Variants in TCERG1 observed in about 807,000 individuals in gnomAD.
TCERG1 encodes the protein transcription elongation regulator 1.
In TCERG1, 37 loss-of-function variants were observed where a neutral mutation model predicts 144.7. That is an observed-to-expected ratio of 0.26 (90% CI 0.20 to 0.34). The LOEUF (loss-of-function observed/expected upper bound fraction) is 0.34, where lower values mean the gene tolerates loss of function less well. Ranked by LOEUF, TCERG1 falls within the 10% of genes least tolerant of loss-of-function variation. TCERG1 has a pLI of 1.00. For missense variants in TCERG1, 1,027 were observed against 1,380.7 expected (o/e 0.74, Z 4.06); for synonymous variants, 492 against 458.2 (o/e 1.07, Z -0.94).
chr5:146,476,936 A>AT (rs1189982262), intron 9 of TCERG1, among the ~76,000 whole-genome samples: 1 of 151,844 alleles, frequency 6.6e-6, no homozygotes, highest in Non-Finnish European at 1.5e-5. Context: ...AAAATTTTTT[A>AT]TTTTTTGTAG....
intron 3 of TCERG1, among the ~76,000 whole-genome samples, chr5:146,458,112 T>TA (rs2150248464): frequency 6.6e-6 from 1 of 152,076 alleles, no homozygotes; most frequent in African/African-American, 2.4e-5. Flanking sequence ...TGGCCTCCCA[T>TA]AGTGCTGGGA....
chr5:146,479,960 C>G (rs763632325), intron 11 of TCERG1, 49 bp downstream of exon 11: 5 of 1,604,400 alleles, frequency 3.1e-6, no homozygotes. Flanking sequence ...ACTATTAAAG[C>G]AAGTGTTCTG....
intron 17 of TCERG1, among the ~76,000 whole-genome samples, chr5:146,500,756 C>T (rs1001418768): frequency 1.3e-5 from 2 of 152,110 alleles, no homozygotes; most frequent in African/African-American, 4.8e-5. Flanking sequence ...AGTGGTGGCT[C>T]ATGCCTGTAA....
At chr5:146,475,045 C>G (rs1276423346) in intron 9 of TCERG1, among the ~76,000 whole-genome samples, 1 of 152,076 alleles carries the variant, frequency 6.6e-6, no homozygotes, top group Non-Finnish European at 1.5e-5. Flanking sequence ...GCTTCATTTC[C>G]TGTTCCTGCT....
chr5:146,453,320 G>T (rs922737171), intron 1 of TCERG1, among the ~76,000 whole-genome samples: 1 of 152,024 alleles, frequency 6.6e-6, no homozygotes, highest in African/African-American at 2.4e-5. Flanking sequence ...TTTACAAAAT[G>T]TCGCAAAAAT....
Position 146,510,664 on chromosome 5 carries a change from G to A in TCERG1, c.*22G>A, listed in dbSNP as rs773977344. ...ATAATTCTAAATACTCTTCCATAGG[G>A]GCATCTATTCAAAATGCTTGCATGA... On this transcript the variant is annotated 3_prime_UTR_variant, in exon 23 of 23. Coordinates refer to ENST00000679501, the MANE Select transcript of TCERG1 (RefSeq NM_001382548.1). The A allele has an allele frequency of 6.3e-7, 1 of 1,599,024 alleles. No individual in the cohort carries two copies. The highest frequency in any genetic ancestry group is 1.7e-5 in the Admixed American group (1 of 57,342).
intron 15 of TCERG1, among the ~76,000 whole-genome samples, chr5:146,490,550 G>A (rs1168469559): frequency 6.6e-6 from 1 of 152,152 alleles, no homozygotes; most frequent in Non-Finnish European, 1.5e-5. Context: ...TCCTTTATAT[G>A]TGAATCTGTT....
intron 15 of TCERG1, among the ~76,000 whole-genome samples, chr5:146,489,864 G>A (rs1766228315): frequency 6.6e-6 from 1 of 152,070 alleles, no homozygotes. Flanking sequence ...AAGCGTATTG[G>A]AAAGCATGAC....
chr5:146,495,094 C>T (rs1269197651), intron 16 of TCERG1, among the ~76,000 whole-genome samples: 3 of 152,110 alleles, frequency 2.0e-5, no homozygotes, highest in Admixed American at 6.5e-5. Flanking sequence ...TCACTTTACA[C>T]GTTGATTTTC....
At chr5:146,461,814 A>G (rs1257552794) in intron 4 of TCERG1, among the ~76,000 whole-genome samples, 1 of 152,190 alleles carries the variant, frequency 6.6e-6, no homozygotes, top group African/African-American at 2.4e-5. Flanking sequence ...GTTGAGCATA[A>G]ACTCATTTTG....
intron 17 of TCERG1, 113 bp from the exon 18 acceptor site, chr5:146,503,262 T>C (rs1767647558): frequency 5.6e-6 from 5 of 900,582 alleles, no homozygotes; most frequent in Non-Finnish European, 8.3e-6. Flanking sequence ...AAGTTATTAT[T>C]CTCATATTTA....
At chr5:146,503,584 T>C (rs755009077) in intron 18 of TCERG1, 45 bp downstream of exon 18, 1 of 1,593,562 alleles carries the variant, frequency 6.3e-7, no homozygotes, top group South Asian at 1.1e-5. Flanking sequence ...AATAATACAA[T>C]TCTTGTGTTT....
In TCERG1 at chr5:146,507,900, G is replaced by A; in HGVS notation, c.2989G>A (p.Val997Ile). The A allele has an allele frequency of 6.2e-7, 1 of 1,610,546 alleles. No homozygotes were observed. Among genetic ancestry groups the A allele is most frequent in the Non-Finnish European group, 8.5e-7 (1 of 1,178,374 alleles). The change falls in exon 21 of 23, where the codon GTA (valine) becomes ATA (isoleucine). Residue 997 changes from valine (V) to isoleucine (I), a missense_variant. Physicochemically the swap from Val to Ile is conservative, Grantham distance 29. Coordinates refer to ENST00000679501, the MANE Select transcript of TCERG1 (RefSeq NM_001382548.1). The surrounding 1 kb of genome is among the most constrained non-coding windows in gnomAD (Gnocchi z 4.6). ...TACCTTAACATCCACGTGGAAAGAAGTAAAAAAAATCATTAAGGAAGATCC... is the reference window on the plus strand; with the variant it reads ...TACCTTAACATCCACGTGGAAAGAAATAAAAAAAATCATTAAGGAAGATCC... ...AITLTSTWKEVKKIIKEDPRC... is the reference protein window; with the variant it reads ...AITLTSTWKEIKKIIKEDPRC...
At chr5:146,467,440 T>A (rs1365695292) in intron 5 of TCERG1, among the ~76,000 whole-genome samples, 2 of 152,206 alleles carry the variant, frequency 1.3e-5, no homozygotes, top group Non-Finnish European at 2.9e-5. Context: ...GTTTTTAATT[T>A]TCTCAGTTAA....
chr5:146,482,872 C>G (rs982973942), intron 14 of TCERG1, 145 bp downstream of exon 14: 1 of 1,151,720 alleles, frequency 8.7e-7, no homozygotes, highest in Non-Finnish European at 1.2e-6. Context: ...TTTTTTGCAA[C>G]AGCCTTTTTC....
At chr5:146,452,697 C>T (rs1035114446) in intron 1 of TCERG1, among the ~76,000 whole-genome samples, 6 of 152,200 alleles carry the variant, frequency 3.9e-5, no homozygotes, top group Non-Finnish European at 8.8e-5. Flanking sequence ...TCAAGCAATT[C>T]TTCTGCTTCC....
chr5:146,459,108 C>T lies in TCERG1; in HGVS notation c.663C>T (p.Ala221=), dbSNP rs1252940291. 6.3e-7 allele frequency: 1 copy of T among 1,594,158 alleles called. No homozygotes were observed. Among genetic ancestry groups the T allele is most frequent in the South Asian group, 1.1e-5 (1 of 90,238 alleles). ...CCCAGGCCCAGGCCCAGGCCCAGGC[C>T]CAAGCCCAAGCCCAGGCCCAGGCTC... ...AQAQAQAQAQ[A]QAQAQAQAQA... The change falls in exon 4 of 23, where the codon GCC becomes GCT. Residue 221 remains alanine, a synonymous_variant. Coordinates refer to ENST00000679501, the MANE Select transcript of TCERG1 (RefSeq NM_001382548.1).
intron 1 of TCERG1, among the ~76,000 whole-genome samples, chr5:146,450,101 A>C (rs1198985603): frequency 6.6e-6 from 1 of 152,248 alleles, no homozygotes; most frequent in Admixed American, 6.5e-5. Context: ...ATGTGTTTTA[A>C]TGTGTTGCAA....
intron 4 of TCERG1, among the ~76,000 whole-genome samples, chr5:146,460,881 G>A (rs1394923950): frequency 6.6e-6 from 1 of 152,124 alleles, no homozygotes; most frequent in Non-Finnish European, 1.5e-5. Context: ...CTTTTTATAG[G>A]TTTAGTGCTT....
Sources: allele counts gnomAD v4.1 joint callset (sites outside exome capture counted in the v4.1 genomes callset), GRCh38; gene constraint gnomAD v4.1.1; non-coding constraint Gnocchi (gnomAD v3.1); transcripts MANE v1.5; gene names NCBI Gene and HGNC (gene_info 2026-07-23, HGNC 2026-07-21).